Variants in CNTN4 observed in about 807,000 individuals in gnomAD.
CNTN4 encodes contactin-4.
In CNTN4, 77 loss-of-function variants were observed where a neutral mutation model predicts 122.5. The observed-to-expected ratio is 0.63, with a 90% CI of 0.52 to 0.76. CNTN4 has a LOEUF of 0.76. Ranked by LOEUF, CNTN4 falls within the 30% of genes least tolerant of loss-of-function variation. The pLI is 0.00. For synonymous variants in CNTN4, 512 were observed against 447.0 expected (o/e 1.15, Z -1.83); for missense variants, 1,256 against 1,259.1 (o/e 1.00, Z 0.04).
At chr3:2,944,154 G>T (rs191939565) in intron 13 of CNTN4, among the ~76,000 whole-genome samples, 87 of 150,600 alleles carry the variant, frequency 5.8e-4, no homozygotes, top group Admixed American at 7.9e-4. Context: ...ATTTTTGGGG[G>T]GTTTTTTTTT....
At chr3:2,350,791 A>G (rs1378240131) in intron 3 of CNTN4, among the ~76,000 whole-genome samples, 2 of 152,198 alleles carry the variant, frequency 1.3e-5, no homozygotes, top group Non-Finnish European at 1.5e-5. Context: ...AAATTTAAGC[A>G]AGGCAAATGT....
chr3:2,812,131 A>G (rs1335655456), intron 6 of CNTN4, among the ~76,000 whole-genome samples: 1 of 152,138 alleles, frequency 6.6e-6, no homozygotes, highest in Admixed American at 6.5e-5. Flanking sequence ...TAGAGAGTGG[A>G]GGGCGGGAGG....
chr3:2,428,693 G>A (rs1344111506), intron 3 of CNTN4, among the ~76,000 whole-genome samples: 4 of 152,188 alleles, frequency 2.6e-5, no homozygotes, highest in South Asian at 4.2e-4. Context: ...CATTCTCCCC[G>A]TCACTTTCAG....
At chr3:2,622,609 G>T (rs1312936659) in intron 4 of CNTN4, among the ~76,000 whole-genome samples, 1 of 152,172 alleles carries the variant, frequency 6.6e-6, no homozygotes, top group Non-Finnish European at 1.5e-5. Context: ...GGAGTTGTCT[G>T]CAAAATCTGG....
intron 4 of CNTN4, among the ~76,000 whole-genome samples, chr3:2,734,482 T>G (rs1026186523): frequency 2.0e-5 from 3 of 152,176 alleles, no homozygotes; most frequent in African/African-American, 7.2e-5. Flanking sequence ...GAGTTAGTAT[T>G]TGACCCAAGG....
At chr3:2,248,874 G>A (rs1019137059) in intron 2 of CNTN4, among the ~76,000 whole-genome samples, 1 of 151,936 alleles carries the variant, frequency 6.6e-6, no homozygotes, top group African/African-American at 2.4e-5. Flanking sequence ...TTAAGAAGAG[G>A]ATTTGTTTTA....
chr3:2,774,826 T>C (rs2091251951), intron 6 of CNTN4, among the ~76,000 whole-genome samples: 1 of 152,248 alleles, frequency 6.6e-6, no homozygotes. Context: ...TTTTCTTATT[T>C]GTATTAACCA....
intron 2 of CNTN4, among the ~76,000 whole-genome samples, chr3:2,279,929 T>C (rs2041654620): frequency 6.6e-6 from 1 of 151,630 alleles, no homozygotes; most frequent in Non-Finnish European, 1.5e-5. Context: ...TATATATATT[T>C]AGATATATCT....
At chr3:2,417,939 G>A (rs11706424) in intron 3 of CNTN4, among the ~76,000 whole-genome samples, 30,896 of 152,130 alleles carry the variant, frequency 0.2, 3,491 homozygotes, top group Middle Eastern at 0.28. Flanking sequence ...AAGGTAGAAT[G>A]ACTATGGGAA....
At chr3:2,620,054 T>A (rs551142487) in intron 4 of CNTN4, among the ~76,000 whole-genome samples, 1 of 152,178 alleles carries the variant, frequency 6.6e-6, no homozygotes, top group Non-Finnish European at 1.5e-5. Flanking sequence ...TGGAGAGCTG[T>A]ACAAACTGGA....
chr3:2,527,721 T>C (rs1163116451), intron 3 of CNTN4, among the ~76,000 whole-genome samples: 3 of 152,144 alleles, frequency 2.0e-5, no homozygotes, highest in Non-Finnish European at 4.4e-5. Flanking sequence ...TATTTAAATA[T>C]AATTTTGTCC....
chr3:2,489,848 A>G (rs2076265260), intron 3 of CNTN4, among the ~76,000 whole-genome samples: 1 of 152,100 alleles, frequency 6.6e-6, no homozygotes, highest in East Asian at 1.9e-4. Flanking sequence ...AATTTCTCTA[A>G]AGAATGCTGG....
intron 2 of CNTN4, among the ~76,000 whole-genome samples, chr3:2,208,429 A>G (rs997744282): frequency 6.6e-6 from 1 of 152,162 alleles, no homozygotes; most frequent in African/African-American, 2.4e-5. Context: ...GATAAAGTTG[A>G]AATGGATAAG....
At chr3:2,787,182 G>C (rs889064684) in intron 6 of CNTN4, among the ~76,000 whole-genome samples, 1 of 152,114 alleles carries the variant, frequency 6.6e-6, no homozygotes, top group Non-Finnish European at 1.5e-5. Context: ...TTCAAGACCA[G>C]CCTGGCCAAT....
At chr3:2,785,939 C>T (rs2091804378) in intron 6 of CNTN4, among the ~76,000 whole-genome samples, 1 of 143,330 alleles carries the variant, frequency 7.0e-6, no homozygotes, top group Admixed American at 7.3e-5. Context: ...AACCGCAGAC[C>T]CCACTGGCAG....
intron 2 of CNTN4, among the ~76,000 whole-genome samples, chr3:2,301,969 C>T (rs1352572941): frequency 1.3e-5 from 2 of 152,136 alleles, no homozygotes; most frequent in East Asian, 1.9e-4. Context: ...CAATTGGAGC[C>T]ACTAGTTATT....
In CNTN4 at chr3:2,489,396, A is replaced by G. The variant is rs577080079; in HGVS notation, c.-88-82020A>G. The stretch of plus-strand genomic sequence containing the variant: ...AATGAAACTGGAGAAAGGCTGGGCT[A>G]AAGGAAAGAAGCCCTCACTCCCACA... On this transcript the variant is annotated intron_variant, in intron 3 of 24. Coordinates refer to ENST00000418658, the MANE Select transcript of CNTN4 (RefSeq NM_175607.3). 2.0e-5 allele frequency among the ~76,000 whole-genome samples: 3 copies of G among 152,298 alleles called. No homozygotes were observed. In the South Asian group the frequency reaches 6.2e-4, roughly 32 times the overall value.
intron 2 of CNTN4, among the ~76,000 whole-genome samples, chr3:2,218,283 T>C (rs1051194373): frequency 6.6e-6 from 1 of 152,204 alleles, no homozygotes; most frequent in Non-Finnish European, 1.5e-5. Context: ...AGATGTACTT[T>C]AGAATAAAAT....
intron 4 of CNTN4, among the ~76,000 whole-genome samples, chr3:2,683,645 GAA>G (rs35070950): frequency 6.7e-6 from 1 of 150,050 alleles, no homozygotes; most frequent in African/African-American, 2.4e-5. Flanking sequence ...TTGTTTATCA[GAA>G]AAAAAAAATT....
Sources: allele counts gnomAD v4.1 joint callset (sites outside exome capture counted in the v4.1 genomes callset), GRCh38; gene constraint gnomAD v4.1.1; transcripts MANE v1.5; gene names NCBI Gene and HGNC (gene_info 2026-07-23, HGNC 2026-07-21).